The following TTLL7 variants were observed in gnomAD, a reference collection of about 807,000 sequenced individuals.
TTLL7 encodes the protein tubulin polyglutamylase TTLL7.
TTLL7 carries 53 observed loss-of-function variants against 120.2 expected under a neutral mutation model. The ratio of observed to expected loss-of-function variants is 0.44; its 90% CI spans 0.35 to 0.55. TTLL7 has a LOEUF of 0.55. Ranked by LOEUF, TTLL7 falls within the 20% of genes least tolerant of loss-of-function variation. The pLI, the probability that TTLL7 is intolerant of heterozygous loss-of-function variation, is 0.00. For synonymous variants in TTLL7, 353 were observed against 351.7 expected (o/e 1.00, Z -0.04); for missense variants, 803 against 1,054.7 (o/e 0.76, Z 3.31).
intron 14 of TTLL7, 67 bp from the exon 15 acceptor site, chr1:83,911,430 A>G (rs1003523459): frequency 7.7e-7 from 1 of 1,293,832 alleles, no homozygotes; most frequent in Non-Finnish European, 1.1e-6. Flanking sequence ...ATGATTAGTT[A>G]CTATTTTTAA....
chr1:83,893,930 G>T (rs1656001929), intron 18 of TTLL7, among the ~76,000 whole-genome samples: 1 of 151,990 alleles, frequency 6.6e-6, no homozygotes, highest in African/African-American at 2.4e-5. Context: ...GCTCATTACA[G>T]GTAACAAATG....
At chr1:83,986,654 G>A (rs1652477464) in intron 1 of TTLL7, among the ~76,000 whole-genome samples, 1 of 152,146 alleles carries the variant, frequency 6.6e-6, no homozygotes, top group South Asian at 2.1e-4. Context: ...AGACCAGCCT[G>A]ACCAATAATT....
chr1:83,927,589 A>G (rs1320121876), intron 10 of TTLL7, among the ~76,000 whole-genome samples: 1 of 152,192 alleles, frequency 6.6e-6, no homozygotes, highest in Non-Finnish European at 1.5e-5. Flanking sequence ...TAGAACAGCT[A>G]AGGTTAAGTT....
intron 20 of TTLL7, among the ~76,000 whole-genome samples, chr1:83,880,621 A>G (rs901785676): frequency 1.6e-4 from 25 of 151,996 alleles, no homozygotes; most frequent in Non-Finnish European, 1.8e-4. Context: ...AGTGTTTCAA[A>G]GTCATGGCTT....
chr1:83,971,283 C>T (rs112115949), intron 1 of TTLL7, among the ~76,000 whole-genome samples: 70 of 152,144 alleles, frequency 4.6e-4, no homozygotes, highest in African/African-American at 1.6e-3. Context: ...GCCAACACAG[C>T]CTGCCATGGT....
In TTLL7 at chr1:83,906,428, T is replaced by C; in HGVS notation, c.2028A>G (p.Gln676=). The change falls in exon 17 of 21, where the codon CAA becomes CAG. Residue 676 remains glutamine (Q), a synonymous_variant. Transcript: ENST00000260505. ...AGGTCTGACTTGTTAGATCATCTTC[T>C]TGTTCTTTTGTTTTCAGTTGCCGCA... The part of the protein sequence containing the change: ...ESLRQLKTKE[Q]EDDLTSQTLF... The C allele has an allele frequency of 1.2e-6, 2 of 1,612,244 alleles. No homozygotes were observed. Among genetic ancestry groups the C allele is most frequent in the African/African-American group, 1.3e-5 (1 of 74,938 alleles).
In TTLL7 at chr1:83,907,627, G is replaced by A; in HGVS notation, c.1821C>T (p.Ser607=). 1 of 1,613,064 alleles carries A rather than the reference G, an allele frequency of 6.2e-7. No individual in the cohort carries two copies. The highest frequency in any genetic ancestry group is 8.5e-7 in the Non-Finnish European group (1 of 1,179,452). The change falls in exon 16 of 21, where the codon TCC becomes TCT. Residue 607 remains serine, a synonymous_variant. Transcript: ENST00000260505. ...CACTGGAAGGTGATTGAGCAGAGAT[G>A]GACCGAGGGCAGCTGACTGAACGTC... The part of the protein sequence containing the change: ...SIRRSVSCPR[S]ISAQSPSSGD...
intron 20 of TTLL7, among the ~76,000 whole-genome samples, chr1:83,877,989 C>G (rs1355175783): frequency 6.6e-6 from 1 of 151,708 alleles, no homozygotes; most frequent in East Asian, 1.9e-4. Context: ...CTGATTTAGC[C>G]ATATTCTACA....
chr1:83,977,455 AC>A (rs1382538473), intron 1 of TTLL7, among the ~76,000 whole-genome samples: 1 of 151,990 alleles, frequency 6.6e-6, no homozygotes, highest in Non-Finnish European at 1.5e-5. Flanking sequence ...AAAATCACAT[AC>A]CTTTTTTTTG....
rs139406019 is a variant in TTLL7, at chr1:83,948,907, C to T, written c.280-212G>A. On this transcript the variant is annotated intron_variant, in intron 4 of 20. Transcript: ENST00000260505. Reference sequence around the variant, plus strand: ...TAAAACTGCAAAATTTTAAAGAAAACACAAAAGAATATCTACATAGATAGT... The same window carrying T: ...TAAAACTGCAAAATTTTAAAGAAAATACAAAAGAATATCTACATAGATAGT... 2.9e-4 allele frequency: 115 copies of T among 396,720 alleles called. 1 individual carries two copies. The highest frequency in any genetic ancestry group is 2.1e-3 in the African/African-American group (103 of 48,614). The allele number at this position is 396,720 out of a possible 1,614,324, so 24.6% of individuals were successfully genotyped here. A position where few individuals can be genotyped will look rare whatever the true frequency, so the allele number is the denominator to read the frequency against.
At chr1:83,917,107 A>G (rs1175140298) in intron 14 of TTLL7, among the ~76,000 whole-genome samples, 1 of 151,886 alleles carries the variant, frequency 6.6e-6, no homozygotes, top group East Asian at 1.9e-4. Flanking sequence ...ATCAAAAAAA[A>G]AAAAAAAAAG....
chr1:83,998,428 G>C (rs1162959665), intron 1 of TTLL7, among the ~76,000 whole-genome samples: 2 of 152,194 alleles, frequency 1.3e-5, no homozygotes, highest in Non-Finnish European at 2.9e-5. Context: ...ATGATGGCAT[G>C]AGTCAGGCAT....
intron 14 of TTLL7, among the ~76,000 whole-genome samples, chr1:83,912,136 C>A (rs771608948): frequency 3.3e-5 from 5 of 152,068 alleles, no homozygotes; most frequent in African/African-American, 4.8e-5. Flanking sequence ...ATTGCCCATG[C>A]TACATTTTAA....
chr1:83,913,076 C>G (rs139760064), intron 14 of TTLL7: 1 of 152,104 alleles, frequency 6.6e-6, no homozygotes, highest in Admixed American at 6.6e-5. Context: ...TACAGCTGAG[C>G]CTTTGTGTCT....
rs1345079635 is a variant in TTLL7 at position 83,904,157 on chromosome 1, G to T, written c.2130C>A (p.Ile710=). ...TTTTATGATACTTCCAGTTATCAAT[G>T]ATCTGTTTGGAAGGAGGAACATTAA... is the stretch of plus-strand genomic sequence containing the variant. ...DAESELLIED[I]IDNWKYHKTK... Residue 710 remains isoleucine, a splice_region_variant and synonymous_variant, in exon 18 of 21, where the codon ATC becomes ATA. Transcript: ENST00000260505. The T allele has an allele frequency of 6.2e-7, 1 of 1,610,200 alleles. No homozygotes were observed. Among genetic ancestry groups the T allele is most frequent in the Non-Finnish European group, 8.5e-7 (1 of 1,177,742 alleles).
intron 19 of TTLL7, among the ~76,000 whole-genome samples, chr1:83,885,713 A>C (rs1180889220): frequency 6.6e-6 from 1 of 152,050 alleles, no homozygotes; most frequent in Non-Finnish European, 1.5e-5. Context: ...CACAAAGGAA[A>C]ACTGAGTACA....
In TTLL7 at chr1:83,865,687, T is replaced by TATGA. The variant is rs1360526468; in HGVS notation, c.*4274_*4275insTCAT. The TATGA allele has an allele frequency of 3.9e-5, 6 of 152,144 alleles. No homozygotes were observed. The South Asian group carries it at 1.2e-3, about 31-fold the overall frequency. The allele number at this position is 152,144 out of a possible 1,614,324, so 9.4% of individuals were successfully genotyped here. On this transcript the variant is annotated 3_prime_UTR_variant, in exon 21 of 21. Coordinates refer to ENST00000260505, the MANE Select transcript of TTLL7 (RefSeq NM_024686.6). ...TTTTTTAGGCATAGAGGCTTCAACCTGGTTCTTAAAAATAATCTCAGCAGA... is the reference window on the plus strand; with the variant it reads ...TTTTTTAGGCATAGAGGCTTCAACCTATGAGGTTCTTAAAAATAATCTCAGCAGA...
intron 20 of TTLL7, among the ~76,000 whole-genome samples, chr1:83,875,352 T>C (rs190297673): frequency 7.7e-4 from 117 of 152,128 alleles, no homozygotes; most frequent in African/African-American, 2.1e-3. Context: ...CCCATCTTGC[T>C]ATATGTGTAG....
chr1:83,870,315 T>C (rs1252245132), intron 20 of TTLL7, among the ~76,000 whole-genome samples: 1 of 152,204 alleles, frequency 6.6e-6, no homozygotes, highest in Admixed American at 6.5e-5. Flanking sequence ...GCCACTGTAC[T>C]CAAATACTGT....
Sources: gnomAD v4.1 joint callset for allele counts (sites outside exome capture counted in the v4.1 genomes callset) on GRCh38, gnomAD v4.1.1 for gene constraint, MANE v1.5 for transcripts, NCBI Gene and HGNC (gene_info 2026-07-23, HGNC 2026-07-21) for gene names.